The following CDH13 variants were observed in gnomAD, a reference collection of about 807,000 sequenced individuals.
CDH13 encodes cadherin 13.
CDH13 carries 24 observed loss-of-function variants against 63.8 expected under a neutral mutation model. That is an observed-to-expected ratio of 0.38 (90% CI 0.27 to 0.53). The LOEUF (loss-of-function observed/expected upper bound fraction) is 0.53, where lower values mean the gene tolerates loss of function less well. Among genes scored for constraint, CDH13 ranks in the 20% least tolerant of loss-of-function variants. The probability of loss-of-function intolerance (pLI) is 0.85; values close to 1 mark genes in which losing one functional copy is unlikely to be tolerated. For synonymous variants in CDH13, 503 were observed against 355.3 expected, an observed-to-expected ratio of 1.42 and a Z score of -4.67; for missense variants, 1,049 against 903.1, an observed-to-expected ratio of 1.16 and a Z score of -2.07.
chr16:83,671,042 A>G, intron 9 of CDH13, 70 bp downstream of exon 9: 3 of 1,340,380 alleles, frequency 2.2e-6, no homozygotes, highest in Non-Finnish European at 3.1e-6. Flanking sequence ...AGCTCATAGA[A>G]TCATTGAGTT....
At chr16:83,718,242 A>T (rs1909212943) in intron 10 of CDH13, among the ~76,000 whole-genome samples, 1 of 151,830 alleles carries the variant, frequency 6.6e-6, no homozygotes, top group Non-Finnish European at 1.5e-5. Context: ...AGAGGAACAC[A>T]CTCCTGGGCT....
chr16:83,466,898 C>G (rs1248949538), intron 6 of CDH13, among the ~76,000 whole-genome samples: 2 of 152,136 alleles, frequency 1.3e-5, no homozygotes, highest in Non-Finnish European at 2.9e-5. Context: ...CATGCCAAGC[C>G]AAGCCCAATT....
chr16:82,830,366 G>C (rs2038479535), intron 1 of CDH13, among the ~76,000 whole-genome samples: 1 of 152,210 alleles, frequency 6.6e-6, no homozygotes, highest in Non-Finnish European at 1.5e-5. Context: ...AGGGATTACA[G>C]AGTTGAGCAT....
In CDH13 at chr16:82,767,586, C is replaced by G. The variant is rs572632658; in HGVS notation, c.46-90776C>G. 9.5e-3 allele frequency among the ~76,000 whole-genome samples: 1,450 copies of G among 152,312 alleles called. 10 individuals carry two copies. The highest frequency in any genetic ancestry group is 0.065 in the Middle Eastern group (19 of 294). On this transcript the variant is annotated intron_variant, in intron 1 of 13. Transcript: ENST00000567109. ...CATTGTGTGCTCCTGGTCCCTGCCC[C>G]CTTTAACTTCCCCAGCATAGTGCCT...
chr16:83,271,422 T>TTAAAAAAAAAAAAAAAAAAAAAA lies in CDH13; in HGVS notation c.636+53925_636+53926insTAAAAAAAAAAAAAAAAAAAAAA, dbSNP rs1555522986. On this transcript the variant is annotated intron_variant, in intron 5 of 13. Transcript: ENST00000567109. ...CTACCGCACATTGAGGCAGAGTTCA[T>TTAAAAAAAAAAAAAAAAAAAAAA]AAAAAAAAAAAAAAAAAAAAAAAAA... is the stretch of plus-strand genomic sequence containing the variant. Among the ~76,000 whole-genome samples, 19 of 26,032 alleles carry TTAAAAAAAAAAAAAAAAAAAAAA rather than the reference T, an allele frequency of 7.3e-4. 4 individuals are homozygous for TTAAAAAAAAAAAAAAAAAAAAAA. The highest frequency in any genetic ancestry group is 7.8e-4 in the Non-Finnish European group (11 of 14,146). 17.1% of individuals were successfully genotyped at this position (26,032 alleles called of 152,430 possible). A position where few individuals can be genotyped will look rare whatever the true frequency, so the allele number is the denominator to read the frequency against.
chr16:83,128,283 A>G (rs1052295595), intron 4 of CDH13, among the ~76,000 whole-genome samples: 2 of 152,194 alleles, frequency 1.3e-5, no homozygotes. Flanking sequence ...CAGTCCTCCA[A>G]GAGTGGTTGT....
chr16:83,314,694 A>G (rs921629742), intron 5 of CDH13, among the ~76,000 whole-genome samples: 3 of 152,190 alleles, frequency 2.0e-5, no homozygotes, highest in African/African-American at 7.2e-5. Context: ...ATGAGACATG[A>G]TTCTGTACTA....
chr16:82,814,028 G>A (rs57038347), intron 1 of CDH13, among the ~76,000 whole-genome samples: 2,425 of 152,188 alleles, frequency 0.016, 50 homozygotes, highest in African/African-American at 0.053. Context: ...TGGCTGTGGA[G>A]TCTAACTGCA....
intron 6 of CDH13, chr16:83,396,477 C>T (rs1049741911): frequency 6.6e-6 from 1 of 152,210 alleles, no homozygotes; most frequent in Non-Finnish European, 1.5e-5. Flanking sequence ...TGTTGCCTGG[C>T]TGACCTCCTT....
chr16:83,467,776 C>G (rs892317544), intron 6 of CDH13, among the ~76,000 whole-genome samples: 21 of 152,166 alleles, frequency 1.4e-4, no homozygotes, highest in Admixed American at 1.4e-3. Context: ...CTGTGTAACC[C>G]TGAGCCAGTC....
At chr16:83,424,154 G>A (rs190437312) in intron 6 of CDH13, among the ~76,000 whole-genome samples, 6 of 152,190 alleles carry the variant, frequency 3.9e-5, no homozygotes, top group African/African-American at 1.2e-4. Context: ...AACATGGACT[G>A]AAAAGTCTAG....
intron 7 of CDH13, among the ~76,000 whole-genome samples, chr16:83,578,945 C>T (rs564066052): frequency 4.6e-5 from 7 of 152,334 alleles, no homozygotes; most frequent in African/African-American, 9.6e-5. Context: ...TAGTTAGTAG[C>T]GGAGTCAATC....
chr16:83,666,676 G>A (rs941327748), intron 8 of CDH13, among the ~76,000 whole-genome samples: 4 of 151,996 alleles, frequency 2.6e-5, no homozygotes, highest in South Asian at 2.1e-4. Context: ...GGCTCTTCCC[G>A]CCACCTGGCC....
At chr16:82,643,728 A>G (rs1018044148) in intron 1 of CDH13, among the ~76,000 whole-genome samples, 3 of 152,138 alleles carry the variant, frequency 2.0e-5, no homozygotes, top group Admixed American at 1.3e-4. Flanking sequence ...AGACTGAAGA[A>G]AAGGAGATGG....
intron 11 of CDH13, among the ~76,000 whole-genome samples, chr16:83,756,320 T>C (rs554426995): frequency 4.9e-4 from 75 of 152,236 alleles, no homozygotes; most frequent in African/African-American, 1.8e-3. Context: ...TTTTTAAAAA[T>C]CAGCAAACTG....
intron 5 of CDH13, among the ~76,000 whole-genome samples, chr16:83,242,324 T>G (rs1296098303): frequency 6.6e-6 from 1 of 152,214 alleles, no homozygotes; most frequent in Non-Finnish European, 1.5e-5. Context: ...TGCCATTTAC[T>G]GAGGTGGCAA....
chr16:82,680,421 G>A (rs549753746), intron 1 of CDH13, among the ~76,000 whole-genome samples: 7 of 152,322 alleles, frequency 4.6e-5, no homozygotes, highest in Admixed American at 4.6e-4. Flanking sequence ...GCGGGTGTAA[G>A]ATTTGAACCC....
chr16:82,930,746 G>C (rs2042464355), intron 2 of CDH13, among the ~76,000 whole-genome samples: 2 of 152,142 alleles, frequency 1.3e-5, no homozygotes, highest in Non-Finnish European at 2.9e-5. Flanking sequence ...TAAAGCATTG[G>C]TGATGCCCAG....
intron 2 of CDH13, among the ~76,000 whole-genome samples, chr16:82,909,200 A>C (rs895323568): frequency 2.0e-5 from 3 of 151,526 alleles, no homozygotes; most frequent in Non-Finnish European, 4.4e-5. Context: ...TCAATCCATG[A>C]TTGGTCAAAT....
Sources: allele counts gnomAD v4.1 joint callset (sites outside exome capture counted in the v4.1 genomes callset), GRCh38; gene constraint gnomAD v4.1.1; transcripts MANE v1.5; gene names NCBI Gene and HGNC (gene_info 2026-07-23, HGNC 2026-07-21).